The following CADM1 variants were observed in gnomAD, a reference collection of about 807,000 sequenced individuals.
CADM1 encodes the protein TSLC-1.
CADM1 carries 15 observed loss-of-function variants against 53.1 expected under a neutral mutation model. The observed-to-expected ratio is 0.28, with a 90% CI of 0.19 to 0.44. The LOEUF (loss-of-function observed/expected upper bound fraction) is 0.44. CADM1 is among the 20% of genes least tolerant of loss of function. CADM1 has a pLI of 1.00. For synonymous variants in CADM1, 281 were observed against 243.0 expected (o/e 1.16, Z -1.45); for missense variants, 434 against 611.3 (o/e 0.71, Z 3.06).
chr11:115,212,368 ATT>A (rs1941001922), intron 7 of CADM1, among the ~76,000 whole-genome samples: 1 of 152,226 alleles, frequency 6.6e-6, no homozygotes, highest in Non-Finnish European at 1.5e-5. Context: ...CTGCTAGAGT[ATT>A]TTGTTAGTAG....
chr11:115,406,524 T>A (rs1470094367), intron 1 of CADM1, among the ~76,000 whole-genome samples: 1 of 148,144 alleles, frequency 6.8e-6, no homozygotes, highest in Non-Finnish European at 1.5e-5. Flanking sequence ...TATATTATAT[T>A]TATACATTAT....
In CADM1 at chr11:115,174,637, T is replaced by C. The variant is rs1296496411; in HGVS notation, c.*1837A>G. On this transcript the variant is annotated 3_prime_UTR_variant, in exon 12 of 12. Transcript: ENST00000331581. Reference sequence around the variant, plus strand: ...TTTTCAAATAACAAAGAGTTGACACTTTTTCCCCCTTAAATAAATCAGCAT... The same window carrying C: ...TTTTCAAATAACAAAGAGTTGACACCTTTTCCCCCTTAAATAAATCAGCAT... The C allele has an allele frequency of 7.1e-6, 7 of 984,010 alleles. No individual in the cohort carries two copies. In the East Asian group the frequency reaches 7.9e-4, roughly 112 times the overall value. The allele number at this position is 984,010 out of a possible 1,614,324, so 61.0% of individuals were successfully genotyped here.
At chr11:115,243,671 G>C (rs1942316646) in intron 1 of CADM1, among the ~76,000 whole-genome samples, 1 of 152,152 alleles carries the variant, frequency 6.6e-6, no homozygotes, top group Non-Finnish European at 1.5e-5. Flanking sequence ...CCAAACAGAA[G>C]AGTGCACTGT....
At chr11:115,492,977 G>A (rs314480) in intron 1 of CADM1, among the ~76,000 whole-genome samples, 8 of 150,436 alleles carry the variant, frequency 5.3e-5, no homozygotes, top group South Asian at 2.1e-4. Flanking sequence ...GTTTGCTCAC[G>A]GAAAAGTTTA....
At chr11:115,462,542 C>A (rs946525022) in intron 1 of CADM1, among the ~76,000 whole-genome samples, 3 of 152,148 alleles carry the variant, frequency 2.0e-5, no homozygotes, top group African/African-American at 7.2e-5. Context: ...TCTCATCTCA[C>A]ACAGAATTAA....
At chr11:115,223,973 A>AAGAGAAAGAG (rs1941503576) in intron 5 of CADM1, among the ~76,000 whole-genome samples, 2 of 92,480 alleles carry the variant, frequency 2.2e-5, no homozygotes, top group East Asian at 6.9e-4. Flanking sequence ...AAAAAAAAAA[A>AAGAGAAAGAG]AGAGAGAGAG....
At chr11:115,317,626 G>A (rs1230819954) in intron 1 of CADM1, among the ~76,000 whole-genome samples, 1 of 152,142 alleles carries the variant, frequency 6.6e-6, no homozygotes, top group East Asian at 1.9e-4. Flanking sequence ...CAACTGCAAA[G>A]GATATTTACA....
intron 1 of CADM1, among the ~76,000 whole-genome samples, chr11:115,415,854 A>ACTTTGAT (rs1481560519): frequency 7.8e-6 from 1 of 128,440 alleles, no homozygotes; most frequent in East Asian, 2.2e-4. Flanking sequence ...AAAAAAAAAG[A>ACTTTGAT]CTTTGATTCT....
chr11:115,331,646 TCA>T (rs974447067), intron 1 of CADM1, among the ~76,000 whole-genome samples: 2 of 152,122 alleles, frequency 1.3e-5, no homozygotes, highest in Admixed American at 1.3e-4. Flanking sequence ...GAAAAAGCAT[TCA>T]CACAGTCCAG....
At chr11:115,267,562 C>T (rs999498274) in intron 1 of CADM1, among the ~76,000 whole-genome samples, 3 of 152,114 alleles carry the variant, frequency 2.0e-5, no homozygotes, top group Non-Finnish European at 4.4e-5. Flanking sequence ...TTTTAGCACA[C>T]GCTGGAAATC....
At chr11:115,348,004 A>C (rs1945627511) in intron 1 of CADM1, among the ~76,000 whole-genome samples, 1 of 152,194 alleles carries the variant, frequency 6.6e-6, no homozygotes, top group South Asian at 2.1e-4. Flanking sequence ...AATTTCATAT[A>C]TTTTGAGGGA....
chr11:115,476,897 C>T (rs1384681741), intron 1 of CADM1, among the ~76,000 whole-genome samples: 2 of 152,158 alleles, frequency 1.3e-5, no homozygotes, highest in African/African-American at 2.4e-5. Context: ...TCAAGAAATA[C>T]ATAACATCCA....
At chr11:115,452,583 T>A (rs1183281650) in intron 1 of CADM1, among the ~76,000 whole-genome samples, 2 of 152,224 alleles carry the variant, frequency 1.3e-5, no homozygotes, top group Non-Finnish European at 2.9e-5. Context: ...AGGGATGGAT[T>A]TCCAGAGGGA....
At chr11:115,254,912 A>T (rs1591646151) in intron 1 of CADM1, among the ~76,000 whole-genome samples, 1 of 152,224 alleles carries the variant, frequency 6.6e-6, no homozygotes, top group Admixed American at 6.5e-5. Flanking sequence ...CCAGGGAATG[A>T]TTACACCTGT....
At chr11:115,332,309 A>G (rs944884957) in intron 1 of CADM1, among the ~76,000 whole-genome samples, 5 of 152,208 alleles carry the variant, frequency 3.3e-5, no homozygotes, top group African/African-American at 9.7e-5. Context: ...GGCTATTTCA[A>G]AGAGGAGACT....
chr11:115,258,954 T>C (rs1472741823), intron 1 of CADM1, among the ~76,000 whole-genome samples: 1 of 152,182 alleles, frequency 6.6e-6, no homozygotes, highest in Non-Finnish European at 1.5e-5. Flanking sequence ...TTTAATTTTT[T>C]TAAAGAACAT....
At chr11:115,218,272 C>T (rs534060262) in intron 5 of CADM1, 1 of 417,416 alleles carries the variant, frequency 2.4e-6, no homozygotes, top group South Asian at 2.1e-5. Flanking sequence ...AAGTTTATCT[C>T]CAAACTCACT....
At chr11:115,251,304 C>T (rs1390933536) in intron 1 of CADM1, among the ~76,000 whole-genome samples, 1 of 152,172 alleles carries the variant, frequency 6.6e-6, no homozygotes, top group Non-Finnish European at 1.5e-5. Context: ...ATTCATTTTT[C>T]CTGCCAACAA....
chr11:115,230,084 G>A (rs905499459), intron 4 of CADM1, among the ~76,000 whole-genome samples: 7 of 152,150 alleles, frequency 4.6e-5, no homozygotes, highest in Admixed American at 3.9e-4. Context: ...ACATTTAATG[G>A]CTGAATTCAC....
Sources: allele counts gnomAD v4.1 joint callset (sites outside exome capture counted in the v4.1 genomes callset), GRCh38; gene constraint gnomAD v4.1.1; transcripts MANE v1.5; gene names NCBI Gene and HGNC (gene_info 2026-07-23, HGNC 2026-07-21).